Variants in EIF3A observed in about 807,000 individuals in gnomAD.
EIF3A encodes the protein EIF3, p180 subunit.
A neutral mutation model predicts 186.6 loss-of-function variants in EIF3A; 21 were observed. That is an observed-to-expected ratio of 0.11 (90% CI 0.08 to 0.16). The LOEUF is 0.16. Ranked by LOEUF, EIF3A falls within the 10% of genes least tolerant of loss-of-function variation. The pLI is 1.00. For synonymous variants in EIF3A, 563 were observed against 584.3 expected (o/e 0.96, Z 0.52); for missense variants, 1,306 against 1,796.3 (o/e 0.73, Z 4.93).
At position 119,041,994 on chromosome 10, in the gene EIF3A, C is replaced by T. The variant is rs996845744; in HGVS notation, c.3526G>A (p.Gly1176Ser). Residue 1176 changes from glycine to serine, a missense_variant and splice_region_variant, in exon 19 of 22, where the codon GGT becomes AGT. By Grantham distance (56) the Gly-to-Ser change is moderately conservative (BLOSUM62 0). This residue lies in a region of EIF3A where 331 missense variants were observed against 365.8 expected (regional missense o/e 0.90). Coordinates refer to ENST00000369144, the MANE Select transcript of EIF3A (RefSeq NM_003750.4). ...CATATTCTAGGAAATAGAATTTTAC[C>T]TGGCTTGACTAATGGTCTCCAAGGA... is the stretch of plus-strand genomic sequence containing the variant. Reference protein sequence around the residue: ...PGPWRPLVKPGGWREKEKARE... With the variant: ...PGPWRPLVKPSGWREKEKARE... The T allele has an allele frequency of 6.2e-7, 1 of 1,612,962 alleles. No homozygotes were observed. Among genetic ancestry groups the T allele is most frequent in the Non-Finnish European group, 8.5e-7 (1 of 1,179,264 alleles).
At chr10:119,066,636 G>A (rs1036442919) in intron 6 of EIF3A, among the ~76,000 whole-genome samples, 1 of 150,964 alleles carries the variant, frequency 6.6e-6, no homozygotes, top group African/African-American at 2.4e-5. Context: ...CAAGAACCAG[G>A]AGCTAAATTT....
rs188418666 is a variant in EIF3A at position 119,038,625 on chromosome 10, A to T, written c.3527-186T>A. Among the ~76,000 whole-genome samples the T allele has an allele frequency of 2.6e-5, 4 of 152,334 alleles. No individual in the cohort carries two copies. In the East Asian group the frequency reaches 7.7e-4, roughly 29 times the overall value. ...ATCATTAACAGTATCTTAAACTTAT[A>T]TGAGAAACTTAAAATGGGCCGGGCA... On this transcript the variant is annotated intron_variant, in intron 19 of 21. Coordinates refer to ENST00000369144, the MANE Select transcript of EIF3A (RefSeq NM_003750.4).
intron 1 of EIF3A, among the ~76,000 whole-genome samples, chr10:119,075,803 TC>T (rs1236556968): frequency 8.0e-6 from 1 of 125,542 alleles, no homozygotes; most frequent in African/African-American, 3.0e-5. Context: ...AAGCTCCGCC[TC>T]CCGGGTTCAC....
intron 19 of EIF3A, 111 bp from the exon 20 acceptor site, chr10:119,038,550 TAA>T (rs1190317076): frequency 5.9e-6 from 5 of 853,330 alleles, no homozygotes; most frequent in Non-Finnish European, 1.8e-6. Flanking sequence ...AATGCTAATT[TAA>T]GACACTGATT....
At position 119,041,987 on chromosome 10, in the gene EIF3A, A is replaced by AT. The variant is rs1399149583; in HGVS notation, c.3526+6dup. 8 of 1,612,786 alleles carry AT rather than the reference A, an allele frequency of 5.0e-6. No individual in the cohort carries two copies. Among genetic ancestry groups the AT allele is most frequent in the Non-Finnish European group, 6.8e-6 (8 of 1,179,160 alleles). ...ACTTAAGCATATTCTAGGAAATAGA[A>AT]TTTTACCTGGCTTGACTAATGGTCT... On this transcript the variant is annotated splice_region_variant and intron_variant, in intron 19 of 21. Transcript: ENST00000369144.
rs1469357428 is a variant in EIF3A at position 119,050,566 on chromosome 10, T to C, written c.2428A>G (p.Lys810Glu). ...GCCCTTCTCTGCTCCTCCTCTTCTT[T>C]TTCTCTATAGTATGTTATCCTGCGT... is the stretch of plus-strand genomic sequence containing the variant. ...EERRITYYRE[K>E]EEEEQRRAEE... The change falls in exon 16 of 22, where the codon AAA becomes GAA. Residue 810 changes from lysine to glutamate, a missense_variant. Transcript: ENST00000369144. 6.2e-7 allele frequency: 1 copy of C among 1,614,030 alleles called. No homozygotes were observed. Among genetic ancestry groups the C allele is most frequent in the Non-Finnish European group, 8.5e-7 (1 of 1,180,020 alleles).
intron 21 of EIF3A, among the ~76,000 whole-genome samples, chr10:119,036,524 AC>A (rs1293035652): frequency 6.6e-6 from 1 of 152,224 alleles, no homozygotes; most frequent in Admixed American, 6.5e-5. Context: ...GGGAAGGACT[AC>A]AGTTAGTATA....
At chr10:119,061,430 T>TA (rs375573714) in intron 7 of EIF3A, 102 bp from the exon 8 acceptor site, 3 of 529,082 alleles carry the variant, frequency 5.7e-6, no homozygotes, top group Non-Finnish European at 1.0e-5. Context: ...GAAAATGATT[T>TA]AAAAAATCAT....
intron 14 of EIF3A, among the ~76,000 whole-genome samples, chr10:119,052,368 T>TTGTGTGTGTGTGTG (rs61029991): frequency 0.011 from 1,308 of 123,048 alleles, 55 homozygotes; most frequent in African/African-American, 0.033. Context: ...TTTTTTGGTT[T>TTGTGTGTGTGTGTG]TGTGTGTGTG....
At chr10:119,076,314 C>G (rs948580464) in intron 1 of EIF3A, among the ~76,000 whole-genome samples, 3 of 52,818 alleles carry the variant, frequency 5.7e-5, no homozygotes, top group East Asian at 5.9e-4. Flanking sequence ...GCCTGGGCAA[C>G]AAGTCTCCAA....
intron 17 of EIF3A, among the ~76,000 whole-genome samples, chr10:119,044,488 G>GA (rs1460326976): frequency 6.6e-6 from 1 of 152,210 alleles, no homozygotes; most frequent in Admixed American, 6.5e-5. Context: ...ACGAAGCAAA[G>GA]AAAGGTGGAG....
In EIF3A at chr10:119,035,115, C is replaced by T. The variant is rs2119816703; in HGVS notation, c.*924G>A. On this transcript the variant is annotated 3_prime_UTR_variant, in exon 22 of 22. Transcript: ENST00000369144. ...AGTTCTGTGTTGGCTTCAATGAGAC[C>T]AAATAGTTCATCTTTAACATAGCTA... 6.6e-6 allele frequency: 1 copy of T among 152,430 alleles called. No individual in the cohort carries two copies. The highest frequency in any genetic ancestry group is 1.9e-4 in the East Asian group (1 of 5,182). 9.4% of individuals were successfully genotyped at this position (152,430 alleles called of 1,614,324 possible).
At chr10:119,038,101 G>A (rs905539694) in intron 20 of EIF3A, 137 bp downstream of exon 20, 16 of 732,704 alleles carry the variant, frequency 2.2e-5, no homozygotes, top group Admixed American at 4.4e-5. Flanking sequence ...TTTTTTAGTA[G>A]AGATGGGGTT....
chr10:119,040,267 T>C (rs1223628306), intron 19 of EIF3A, among the ~76,000 whole-genome samples: 1 of 151,928 alleles, frequency 6.6e-6, no homozygotes, highest in Non-Finnish European at 1.5e-5. Flanking sequence ...CAGGACCAAG[T>C]ACAAGCAATG....
chr10:119,079,781 A>C (rs1000278806), intron 1 of EIF3A, among the ~76,000 whole-genome samples: 9 of 152,300 alleles, frequency 5.9e-5, no homozygotes, highest in Non-Finnish European at 1.3e-4. Context: ...AAAAAGAGAA[A>C]AAAGGACTGA....
intron 10 of EIF3A, 57 bp downstream of exon 10, chr10:119,059,543 GGT>G (rs1465686164): frequency 7.1e-7 from 1 of 1,403,976 alleles, no homozygotes; most frequent in African/African-American, 1.4e-5. Flanking sequence ...AGAAACAGAA[GGT>G]ATGTGTCTTT....
At chr10:119,040,695 AC>A (rs1400713468) in intron 19 of EIF3A, among the ~76,000 whole-genome samples, 1 of 151,618 alleles carries the variant, frequency 6.6e-6, no homozygotes, top group Non-Finnish European at 1.5e-5. Flanking sequence ...ACATGGTGAA[AC>A]CCCATCTCTA....
intron 4 of EIF3A, 123 bp downstream of exon 4, chr10:119,072,767 T>G: frequency 8.2e-7 from 1 of 1,226,254 alleles, no homozygotes; most frequent in Non-Finnish European, 1.1e-6. Context: ...AGTCATTTAA[T>G]ACTCATGTGA....
rs1848231948 is a variant in EIF3A at position 119,042,875 on chromosome 10, C to T, written c.2748-103G>A. On this transcript the variant is annotated intron_variant, in intron 18 of 21. Coordinates refer to ENST00000369144, the MANE Select transcript of EIF3A (RefSeq NM_003750.4). The surrounding 1 kb of genome is among the most constrained non-coding windows in gnomAD (Gnocchi z 7.8). ...GCTTTTTAAAAACTTCAGTATGGGC[C>T]GGAGCAGTGGCTCGCACCTTTAATC... The T allele has an allele frequency of 1.6e-5, 19 of 1,224,458 alleles. 1 individual carries two copies. In the South Asian group the frequency reaches 2.4e-4, roughly 15 times the overall value. The allele number at this position is 1,224,458 out of a possible 1,614,324, so 75.8% of individuals were successfully genotyped here.
Sources: allele counts gnomAD v4.1 joint callset (sites outside exome capture counted in the v4.1 genomes callset), GRCh38; gene constraint gnomAD v4.1.1; regional missense constraint gnomAD v4.1.1; non-coding constraint Gnocchi (gnomAD v3.1); transcripts MANE v1.5; gene names NCBI Gene and HGNC (gene_info 2026-07-23, HGNC 2026-07-21).